The following KSR2 variants were observed in gnomAD, a reference collection of about 807,000 sequenced individuals.
KSR2 encodes the protein kinase suppressor of ras 2.
Under a neutral mutation model 107.8 loss-of-function variants are expected in KSR2, and 25 were observed. The observed-to-expected ratio is 0.23, with a 90% CI of 0.17 to 0.32. The LOEUF (loss-of-function observed/expected upper bound fraction) is 0.32. Among genes scored for constraint, KSR2 ranks in the 10% least tolerant of loss-of-function variants. The pLI, the probability that KSR2 is intolerant of heterozygous loss-of-function variation, is 1.00. For synonymous variants in KSR2, 480 were observed against 507.0 expected (o/e 0.95, Z 0.71); for missense variants, 887 against 1,268.9 (o/e 0.70, Z 4.57).
At chr12:117,867,571 T>C (rs888444949) in intron 1 of KSR2, among the ~76,000 whole-genome samples, 1 of 152,196 alleles carries the variant, frequency 6.6e-6, no homozygotes, top group African/African-American at 2.4e-5. Flanking sequence ...AGGAGGCCTG[T>C]GTGCTTCTAC....
intron 5 of KSR2, among the ~76,000 whole-genome samples, chr12:117,627,610 C>T (rs1882591471): frequency 6.6e-6 from 1 of 152,172 alleles, no homozygotes; most frequent in Admixed American, 6.5e-5. Flanking sequence ...GTAACCTGAC[C>T]TTTCTCTCTG....
chr12:117,584,209 T>C (rs1174599963), intron 5 of KSR2, among the ~76,000 whole-genome samples: 1 of 152,164 alleles, frequency 6.6e-6, no homozygotes, highest in Non-Finnish European at 1.5e-5. Flanking sequence ...AAACTAAATG[T>C]CATCAACCTC....
chr12:117,520,020 T>G (rs768252523), intron 14 of KSR2, among the ~76,000 whole-genome samples: 4 of 152,178 alleles, frequency 2.6e-5, no homozygotes, highest in African/African-American at 7.2e-5. Context: ...TTGTGATCAA[T>G]TTCTCCAGGT....
Position 117,730,863 on chromosome 12 carries a change from T to G in KSR2, c.986+30148A>C, listed in dbSNP as rs557272768. 7.9e-5 allele frequency among the ~76,000 whole-genome samples: 12 copies of G among 152,182 alleles called. No homozygotes were observed. In the South Asian group the frequency reaches 1.7e-3, roughly 21 times the overall value. ...GGCCTGATCTCGGCTCGCTACAACCTCCACCTCCCAGCTGCCTGCCTTGGC... is the reference window on the plus strand; with the variant it reads ...GGCCTGATCTCGGCTCGCTACAACCGCCACCTCCCAGCTGCCTGCCTTGGC... On this transcript the variant is annotated intron_variant, in intron 4 of 19. Transcript: ENST00000339824.
chr12:117,631,834 A>G (rs1461456829), intron 5 of KSR2, among the ~76,000 whole-genome samples: 1 of 152,236 alleles, frequency 6.6e-6, no homozygotes. Flanking sequence ...GTGAGCTGTT[A>G]TTATCATTCA....
chr12:117,591,375 A>C (rs1439042741), intron 5 of KSR2, among the ~76,000 whole-genome samples: 1 of 152,178 alleles, frequency 6.6e-6, no homozygotes, highest in Non-Finnish European at 1.5e-5. Context: ...GATCCCAGGC[A>C]GAAGAGGAAG....
intron 3 of KSR2, among the ~76,000 whole-genome samples, chr12:117,835,607 G>A (rs1892175024): frequency 6.6e-6 from 1 of 152,138 alleles, no homozygotes; most frequent in Admixed American, 6.5e-5. Context: ...CAAGCCAGTG[G>A]CTCTCAGCCC....
At chr12:117,591,487 A>G (rs1298263642) in intron 5 of KSR2, among the ~76,000 whole-genome samples, 1 of 152,038 alleles carries the variant, frequency 6.6e-6, no homozygotes, top group Non-Finnish European at 1.5e-5. Flanking sequence ...GACGGATGAG[A>G]TAGAGATAGG....
At chr12:117,834,077 G>C (rs907039663) in intron 3 of KSR2, among the ~76,000 whole-genome samples, 3 of 151,742 alleles carry the variant, frequency 2.0e-5, no homozygotes, top group African/African-American at 7.3e-5. Context: ...GCAGGCAAAG[G>C]TTGCAGTGAG....
At chr12:117,768,396 A>G (rs1889321657) in intron 3 of KSR2, among the ~76,000 whole-genome samples, 1 of 152,244 alleles carries the variant, frequency 6.6e-6, no homozygotes, top group Non-Finnish European at 1.5e-5. Flanking sequence ...CCAGTGTGCC[A>G]GACCAGGGTG....
Position 117,860,381 on chromosome 12 carries a change from T to C in KSR2, c.231A>G (p.Val77=), listed in dbSNP as rs1451095726. The C allele has an allele frequency of 1.2e-6, 2 of 1,613,240 alleles. No individual in the cohort carries two copies. Among genetic ancestry groups the C allele is most frequent in the African/African-American group, 2.7e-5 (2 of 74,928 alleles). Residue 77 remains valine (V), a synonymous_variant, in exon 2 of 20, where the codon GTA becomes GTG. Coordinates refer to ENST00000339824, the MANE Select transcript of KSR2 (RefSeq NM_173598.6). ...FSRQLSCKKK[V]ALQERNAELD... ...GCTCCGCGTTGCGCTCCTGCAAGGCTACCTTCTTTTTGCAGGACAGCTGCC... is the reference window on the plus strand; with the variant it reads ...GCTCCGCGTTGCGCTCCTGCAAGGCCACCTTCTTTTTGCAGGACAGCTGCC...
chr12:117,943,815 T>C (rs760106720), intron 1 of KSR2, among the ~76,000 whole-genome samples: 22 of 152,170 alleles, frequency 1.4e-4, no homozygotes, highest in African/African-American at 4.8e-4. Flanking sequence ...TGGGAAATAA[T>C]TGAATCGTGG....
chr12:117,546,442 T>C (rs527424929), intron 9 of KSR2, among the ~76,000 whole-genome samples: 2 of 152,350 alleles, frequency 1.3e-5, no homozygotes, highest in Admixed American at 6.5e-5. Flanking sequence ...TATCCTAGCA[T>C]GGATTTCTTT....
intron 5 of KSR2, among the ~76,000 whole-genome samples, chr12:117,653,629 C>T (rs1444763203): frequency 3.9e-5 from 6 of 152,192 alleles, no homozygotes; most frequent in Admixed American, 3.3e-4. Flanking sequence ...GATCTTCTAC[C>T]TCAGTAAAAT....
chr12:117,759,060 C>A (rs1177302512), intron 4 of KSR2, among the ~76,000 whole-genome samples: 1 of 152,234 alleles, frequency 6.6e-6, no homozygotes, highest in Non-Finnish European at 1.5e-5. Context: ...CTATCCTCTG[C>A]TTCACCCTCA....
At chr12:117,718,837 C>A (rs974978454) in intron 4 of KSR2, among the ~76,000 whole-genome samples, 3 of 152,170 alleles carry the variant, frequency 2.0e-5, no homozygotes, top group African/African-American at 7.2e-5. Context: ...GCGTGTTGAT[C>A]CCCGCTATGT....
At chr12:117,694,845 CTTTTT>C (rs34228762) in intron 4 of KSR2, among the ~76,000 whole-genome samples, 63 of 99,104 alleles carry the variant, frequency 6.4e-4, no homozygotes, top group African/African-American at 2.0e-3. Context: ...TTGTATGATT[CTTTTT>C]TTTTTTTTTT....
intron 1 of KSR2, among the ~76,000 whole-genome samples, chr12:117,939,947 AC>A (rs1895959464): frequency 7.6e-5 from 1 of 13,090 alleles, no homozygotes; most frequent in East Asian, 3.8e-3. Context: ...TCTTAAAAAC[AC>A]ACACACACAC....
intron 3 of KSR2, among the ~76,000 whole-genome samples, chr12:117,836,239 C>T (rs1030834938): frequency 1.3e-5 from 2 of 152,134 alleles, no homozygotes; most frequent in African/African-American, 4.8e-5. Flanking sequence ...GCAACACCCT[C>T]AACTGTCGGT....
Sources: gnomAD v4.1 joint callset for allele counts (sites outside exome capture counted in the v4.1 genomes callset) on GRCh38, gnomAD v4.1.1 for gene constraint, MANE v1.5 for transcripts, NCBI Gene and HGNC (gene_info 2026-07-23, HGNC 2026-07-21) for gene names.